DGKB: variants seen among roughly 807,000 people sequenced by gnomAD.
DGKB encodes 90 kDa diacylglycerol kinase.
Under a neutral mutation model 114.3 loss-of-function variants are expected in DGKB, and 67 were observed. The observed-to-expected ratio is 0.59, with a 90% CI of 0.48 to 0.72. The LOEUF is 0.72. Among genes scored for constraint, DGKB ranks in the 30% least tolerant of loss-of-function variants. The probability of loss-of-function intolerance (pLI) is 0.00; values close to 1 mark genes in which losing one functional copy is unlikely to be tolerated. For missense variants in DGKB, 907 were observed against 975.2 expected, an observed-to-expected ratio of 0.93 and a Z score of 0.93; for synonymous variants, 398 against 323.1, an observed-to-expected ratio of 1.23 and a Z score of -2.49.
intron 21 of DGKB, among the ~76,000 whole-genome samples, chr7:14,435,220 GT>G (rs1183203287): frequency 1.3e-5 from 2 of 151,956 alleles, no homozygotes; most frequent in Non-Finnish European, 2.9e-5. Flanking sequence ...TGTTGTCATA[GT>G]TTATTTGTAT....
intron 6 of DGKB, among the ~76,000 whole-genome samples, chr7:14,704,122 G>C (rs763625520): frequency 7.9e-5 from 12 of 151,794 alleles, no homozygotes; most frequent in Non-Finnish European, 1.6e-4. Context: ...CTTTTGAATT[G>C]AATTGAATAT....
chr7:14,694,008 T>A, intron 9 of DGKB, 67 bp downstream of exon 9: 1 of 1,517,084 alleles, frequency 6.6e-7, no homozygotes, highest in Non-Finnish European at 8.9e-7. Flanking sequence ...CAATCTGTAA[T>A]CAAAATGTGT....
At chr7:14,713,223 A>G (rs1214274684) in intron 6 of DGKB, among the ~76,000 whole-genome samples, 2 of 152,080 alleles carry the variant, frequency 1.3e-5, no homozygotes, top group African/African-American at 4.8e-5. Context: ...ATCTGTTTTC[A>G]TAATGAATAT....
intron 20 of DGKB, among the ~76,000 whole-genome samples, chr7:14,525,343 T>C (rs1030404032): frequency 1.3e-5 from 2 of 152,234 alleles, no homozygotes; most frequent in African/African-American, 4.8e-5. Context: ...AGCTGAAAGA[T>C]GCATATGTGA....
intron 25 of DGKB, among the ~76,000 whole-genome samples, chr7:14,151,470 A>T (rs1261383377): frequency 7.2e-6 from 1 of 138,068 alleles, no homozygotes; most frequent in East Asian, 1.9e-4. Flanking sequence ...AACTTTTTAA[A>T]AAAAAAAATT....
chr7:14,913,564 A>G (rs190781603), intron 1 of DGKB, among the ~76,000 whole-genome samples: 1 of 151,644 alleles, frequency 6.6e-6, no homozygotes, highest in Admixed American at 6.6e-5. Context: ...GTGGAACCCA[A>G]GAAACAATTC....
chr7:14,381,837 C>G (rs886377053), intron 21 of DGKB, among the ~76,000 whole-genome samples: 2 of 152,134 alleles, frequency 1.3e-5, no homozygotes, highest in Non-Finnish European at 2.9e-5. Context: ...TTATATTGGT[C>G]CCAGAGGAAT....
At chr7:14,369,234 T>G (rs915581446) in intron 21 of DGKB, among the ~76,000 whole-genome samples, 16 of 152,284 alleles carry the variant, frequency 1.1e-4, no homozygotes, top group African/African-American at 3.8e-4. Context: ...TCCATGTCCC[T>G]GCAAAGGACA....
At chr7:14,570,646 T>G (rs975829003) in intron 20 of DGKB, among the ~76,000 whole-genome samples, 1 of 152,114 alleles carries the variant, frequency 6.6e-6, no homozygotes, top group African/African-American at 2.4e-5. Flanking sequence ...AAAATATATA[T>G]ACTATTCATT....
At chr7:14,348,444 G>A (rs984224810) in intron 21 of DGKB, among the ~76,000 whole-genome samples, 1 of 151,226 alleles carries the variant, frequency 6.6e-6, no homozygotes, top group Non-Finnish European at 1.5e-5. Flanking sequence ...AATTTAATTA[G>A]AAAGCAAGAA....
intron 23 of DGKB, among the ~76,000 whole-genome samples, chr7:14,310,292 A>G (rs541809368): frequency 1.3e-5 from 2 of 152,278 alleles, no homozygotes; most frequent in South Asian, 4.1e-4. Context: ...CTGGTAGGAG[A>G]TCACATTACA....
At chr7:14,607,918 G>A (rs1238658228) in intron 16 of DGKB, among the ~76,000 whole-genome samples, 3 of 151,630 alleles carry the variant, frequency 2.0e-5, no homozygotes, top group Non-Finnish European at 4.4e-5. Flanking sequence ...GTCCTCTATA[G>A]ATCTCTGATA....
chr7:14,427,892 A>G (rs1000692838), intron 21 of DGKB, among the ~76,000 whole-genome samples: 4 of 152,218 alleles, frequency 2.6e-5, no homozygotes, highest in African/African-American at 9.6e-5. Flanking sequence ...ATTTGGCCCT[A>G]TAAAACTGTA....
chr7:14,937,494 GTGTATA>G (rs1338500905), intron 1 of DGKB, among the ~76,000 whole-genome samples: 1 of 152,078 alleles, frequency 6.6e-6, no homozygotes, highest in Admixed American at 6.6e-5. Context: ...TATAGTCTGT[GTGTATA>G]TGTATAATTT....
intron 17 of DGKB, among the ~76,000 whole-genome samples, chr7:14,605,153 T>C (rs537305726): frequency 1.3e-5 from 2 of 152,070 alleles, no homozygotes; most frequent in Admixed American, 1.3e-4. Context: ...ACAGGCAATA[T>C]AAATATTCAT....
chr7:14,387,769 T>C lies in DGKB; in HGVS notation c.1836-42378A>G, dbSNP rs138842164. The stretch of plus-strand genomic sequence containing the variant: ...AATGATGGGTCATCAGTCATATTAC[T>C]TTTTTTCCTTTTCAACATTTTTATT... On this transcript the variant is annotated intron_variant, in intron 21 of 25. Coordinates refer to ENST00000402815, the MANE Select transcript of DGKB (RefSeq NM_001350709.2). 5.2e-3 allele frequency among the ~76,000 whole-genome samples: 797 copies of C among 152,216 alleles called. 3 individuals are homozygous for C. Among genetic ancestry groups the C allele is most frequent in the Non-Finnish European group, 6.8e-3 (464 of 67,992 alleles).
chr7:14,385,975 A>G (rs1820276447), intron 21 of DGKB, among the ~76,000 whole-genome samples: 1 of 152,250 alleles, frequency 6.6e-6, no homozygotes, highest in African/African-American at 2.4e-5. Context: ...AAAATGCTAA[A>G]TTTCAGTGAA....
At chr7:14,448,064 C>T (rs1189049316) in intron 21 of DGKB, among the ~76,000 whole-genome samples, 1 of 151,954 alleles carries the variant, frequency 6.6e-6, no homozygotes, top group Non-Finnish European at 1.5e-5. Flanking sequence ...TCTCATTCTC[C>T]ATAAATTTAT....
chr7:14,394,232 T>A (rs1821890349), intron 21 of DGKB, among the ~76,000 whole-genome samples: 1 of 152,164 alleles, frequency 6.6e-6, no homozygotes, highest in South Asian at 2.1e-4. Context: ...CTAAATCAAA[T>A]TTATCTGTAC....
Sources: gnomAD v4.1 joint callset for allele counts (sites outside exome capture counted in the v4.1 genomes callset) on GRCh38, gnomAD v4.1.1 for gene constraint, MANE v1.5 for transcripts, NCBI Gene and HGNC (gene_info 2026-07-23, HGNC 2026-07-21) for gene names.